Variants in AAMDC observed in about 807,000 individuals in gnomAD.
AAMDC encodes mth938 domain-containing protein.
AAMDC carries 16 observed loss-of-function variants against 15.5 expected under a neutral mutation model. The ratio of observed to expected loss-of-function variants is 1.03; its 90% CI spans 0.70 to 1.57. The LOEUF (loss-of-function observed/expected upper bound fraction) is 1.57. Ranked by LOEUF, AAMDC falls within the 40% of genes most tolerant of loss-of-function variation. The pLI, the probability that AAMDC is intolerant of heterozygous loss-of-function variation, is 0.00. For missense variants in AAMDC, 141 were observed against 144.9 expected, an observed-to-expected ratio of 0.97 and a Z score of 0.14; for synonymous variants, 51 against 51.6, an observed-to-expected ratio of 0.99 and a Z score of 0.05.
At chr11:77,832,951 A>ATGTGTGTG (rs146936151) in intron 1 of AAMDC, among the ~76,000 whole-genome samples, 46 of 68,414 alleles carry the variant, frequency 6.7e-4, no homozygotes, top group Admixed American at 1.2e-3. Flanking sequence ...GTATATATAT[A>ATGTGTGTG]TGTGTGTGTG....
chr11:77,834,331 C>T (rs1174179692), intron 1 of AAMDC, among the ~76,000 whole-genome samples: 1 of 150,952 alleles, frequency 6.6e-6, no homozygotes, highest in African/African-American at 2.4e-5. Flanking sequence ...GAAGTAAACA[C>T]ATAATGAAGA....
chr11:77,847,234 T>TC (rs1280788015), intron 2 of AAMDC, among the ~76,000 whole-genome samples: 1 of 152,202 alleles, frequency 6.6e-6, no homozygotes, highest in East Asian at 1.9e-4. Flanking sequence ...GATTTCCAAC[T>TC]CCCCCTTCAC....
At chr11:77,863,426 T>A (rs917847868) in intron 2 of AAMDC, among the ~76,000 whole-genome samples, 5 of 152,064 alleles carry the variant, frequency 3.3e-5, no homozygotes, top group African/African-American at 1.2e-4. Context: ...GTTGCAAGAT[T>A]TAAGAGTGAA....
chr11:77,888,707 T>A (rs1952126708), intron 5 of AAMDC, among the ~76,000 whole-genome samples: 1 of 151,854 alleles, frequency 6.6e-6, no homozygotes, highest in Non-Finnish European at 1.5e-5. Flanking sequence ...GAATCTACAA[T>A]GAACTCAAAC....
chr11:77,905,222 C>T (rs7483572), downstream of AAMDC, among the ~76,000 whole-genome samples: 42,970 of 151,780 alleles, frequency 0.28, 6,398 homozygotes, highest in African/African-American at 0.39. Flanking sequence ...TTTGGAAGGC[C>T]GAGGTGGGTG....
intron 5 of AAMDC, chr11:77,878,644 T>C (rs1225185105): frequency 1.1e-5 from 7 of 625,552 alleles, no homozygotes; most frequent in Non-Finnish European, 1.1e-5. Flanking sequence ...ACCTGAGGAA[T>C]AGCATGTAAG....
At chr11:77,835,271 C>G (rs1456965665) in intron 1 of AAMDC, among the ~76,000 whole-genome samples, 2 of 152,126 alleles carry the variant, frequency 1.3e-5, no homozygotes, top group Non-Finnish European at 2.9e-5. Flanking sequence ...TATTCTGTTG[C>G]TTGGAACATG....
At chr11:77,883,877 G>A (rs749672057) in intron 5 of AAMDC, 35 of 1,612,918 alleles carry the variant, frequency 2.2e-5, no homozygotes, top group Middle Eastern at 1.6e-4. Context: ...ATGAGCCGGT[G>A]CCGCCCTGGG....
At chr11:77,862,196 T>G (rs1950910032) in intron 2 of AAMDC, among the ~76,000 whole-genome samples, 1 of 152,182 alleles carries the variant, frequency 6.6e-6, no homozygotes, top group Non-Finnish European at 1.5e-5. Flanking sequence ...TGCTGGCCTG[T>G]GGGGAATCGT....
At chr11:77,886,658 G>C (rs986897119) in intron 5 of AAMDC, among the ~76,000 whole-genome samples, 6 of 152,188 alleles carry the variant, frequency 3.9e-5, no homozygotes, top group African/African-American at 1.4e-4. Context: ...AATGGGCTTG[G>C]CGGAATCAGC....
chr11:77,872,180 T>C lies in AAMDC; in HGVS notation c.234T>C (p.Pro78=), dbSNP rs1379905576. Reference sequence around the variant, plus strand: ...TCTCTTTTCCACCTTCCCAGGTGCCTTCATCAACTGTGGAGTACCTCAAGA... The same window carrying C: ...TCTCTTTTCCACCTTCCCAGGTGCCCTCATCAACTGTGGAGTACCTCAAGA... The part of the protein sequence containing the change: ...GRGMSEALKV[P]SSTVEYLKKH... The change falls in exon 4 of 4, where the codon CCT becomes CCC. Residue 78 remains proline, a synonymous_variant. Transcript: ENST00000393427. 3 of 1,612,608 alleles carry C rather than the reference T, an allele frequency of 1.9e-6. No homozygotes were observed. In the Admixed American group the frequency reaches 5.0e-5, roughly 27 times the overall value.
chr11:77,878,860 A>T, intron 5 of AAMDC: 1 of 927,528 alleles, frequency 1.1e-6, no homozygotes, highest in Non-Finnish European at 1.8e-6. Flanking sequence ...AAGCCTACAC[A>T]TCAATTCCAG....
At chr11:77,849,024 C>A (rs1374126107) in intron 2 of AAMDC, among the ~76,000 whole-genome samples, 1 of 150,754 alleles carries the variant, frequency 6.6e-6, no homozygotes, top group East Asian at 2.0e-4. Context: ...AACTCCTGGC[C>A]TAAAGTGGTG....
At chr11:77,891,239 G>C in intron 5 of AAMDC, 2 of 1,349,596 alleles carry the variant, frequency 1.5e-6, no homozygotes, top group Middle Eastern at 5.2e-4. Context: ...CCCTCAAGTA[G>C]AGACTACAGG....
chr11:77,868,089 T>C (rs1479247785), intron 2 of AAMDC, among the ~76,000 whole-genome samples: 3 of 150,646 alleles, frequency 2.0e-5, no homozygotes, highest in Non-Finnish European at 4.4e-5. Context: ...AGAGTCTCGT[T>C]CTATCGCCCA....
At chr11:77,868,420 G>A (rs1480608128) in intron 2 of AAMDC, among the ~76,000 whole-genome samples, 1 of 126,832 alleles carries the variant, frequency 7.9e-6, no homozygotes, top group Non-Finnish European at 1.6e-5. Flanking sequence ...GTGCAATGGC[G>A]TGATCTCAGC....
intron 2 of AAMDC, among the ~76,000 whole-genome samples, chr11:77,849,608 C>T (rs1950289471): frequency 6.6e-6 from 1 of 152,252 alleles, no homozygotes; most frequent in African/African-American, 2.4e-5. Flanking sequence ...ATCCTTTTGC[C>T]TTGGCCTCCC....
At chr11:77,827,123 T>C (rs1409705598) in intron 1 of AAMDC, among the ~76,000 whole-genome samples, 3 of 151,086 alleles carry the variant, frequency 2.0e-5, no homozygotes, top group Non-Finnish European at 1.5e-5. Context: ...AAAAATCGAA[T>C]TGGGAATTTG....
At chr11:77,840,863 T>A (rs567223974) in intron 1 of AAMDC, among the ~76,000 whole-genome samples, 1 of 152,236 alleles carries the variant, frequency 6.6e-6, no homozygotes, top group Admixed American at 6.5e-5. Flanking sequence ...CCCCTGAAAG[T>A]TGTTCTTCTG....
Sources: gnomAD v4.1 joint callset for allele counts (sites outside exome capture counted in the v4.1 genomes callset) on GRCh38, gnomAD v4.1.1 for gene constraint, MANE v1.5 for transcripts, NCBI Gene and HGNC (gene_info 2026-07-23, HGNC 2026-07-21) for gene names.